The following CD101 variants were observed in gnomAD, a reference collection of about 807,000 sequenced individuals.
CD101 encodes CD101 molecule.
A neutral mutation model predicts 98.2 loss-of-function variants in CD101; 76 were observed. That is an observed-to-expected ratio of 0.77 (90% CI 0.64 to 0.94). The LOEUF (loss-of-function observed/expected upper bound fraction) is 0.94. Among genes scored for constraint, CD101 ranks in the 40% least tolerant of loss-of-function variants. The pLI, the probability that CD101 is intolerant of heterozygous loss-of-function variation, is 0.00. For missense variants in CD101, 1,145 were observed against 1,218.8 expected, an observed-to-expected ratio of 0.94 and a Z score of 0.90; for synonymous variants, 471 against 472.7, an observed-to-expected ratio of 1.00 and a Z score of 0.05.
At position 117,018,643 on chromosome 1, in the gene CD101, A is replaced by T; in HGVS notation, c.2017+83A>T. The T allele has an allele frequency of 7.8e-7, 1 of 1,285,652 alleles. No homozygotes were observed. The highest frequency in any genetic ancestry group is 2.5e-5 in the Admixed American group (1 of 40,246). The allele number at this position is 1,285,652 out of a possible 1,614,324, so 79.6% of individuals were successfully genotyped here. A position where few individuals can be genotyped will look rare whatever the true frequency, so the allele number is the denominator to read the frequency against. On this transcript the variant is annotated intron_variant, in intron 6 of 9. Transcript: ENST00000682167. The surrounding 1 kb of genome is among the most constrained non-coding windows in gnomAD (Gnocchi z 4.3). The stretch of plus-strand genomic sequence containing the variant: ...ATTTTGGGTAAGTTATAACAATAAA[A>T]CATAAAATACTTTCTCCCATATTTG...
At chr1:117,028,377 C>A (rs181060674) in intron 8 of CD101, among the ~76,000 whole-genome samples, 41 of 152,214 alleles carry the variant, frequency 2.7e-4, no homozygotes, top group Non-Finnish European at 1.0e-4. Flanking sequence ...GGGTCATTTA[C>A]CAAGCAAGGT....
At chr1:117,007,775 G>C (rs1229429303) in intron 1 of CD101, among the ~76,000 whole-genome samples, 1 of 152,196 alleles carries the variant, frequency 6.6e-6, no homozygotes, top group East Asian at 1.9e-4. Flanking sequence ...CAAGGATTCA[G>C]AAGTGTTTTT....
Position 117,010,079 on chromosome 1 carries a change from C to G in CD101, c.273C>G (p.Ser91Arg). The change falls in exon 2 of 10, where the codon AGC becomes AGG. Residue 91 changes from serine to arginine, a missense_variant. Coordinates refer to ENST00000682167, the MANE Select transcript of CD101 (RefSeq NM_001256106.3). The surrounding 1 kb of genome is among the most constrained non-coding windows in gnomAD (Gnocchi z 5.2). The part of the protein sequence containing the change: ...SYAVYTQRVR[S>R]GDVYVERVQG... ...CAGTATATACGCAGCGGGTGCGAAG[C>G]GGAGACGTCTACGTGGAGAGGGTCC... The G allele has an allele frequency of 6.2e-7, 1 of 1,614,200 alleles. No individual in the cohort carries two copies. Among genetic ancestry groups the G allele is most frequent in the Non-Finnish European group, 8.5e-7 (1 of 1,180,034 alleles).
Position 117,017,386 on chromosome 1 carries a change from T to C in CD101, c.1525T>C (p.Tyr509His). ...TFTAITDSGTYECRVSEKSRN... is the reference protein window; with the variant it reads ...TFTAITDSGTHECRVSEKSRN... ...CACTGCCATCACAGACAGTGGCACA[T>C]ATGAGTGCAGAGTATCTGAGAAGTC... The change falls in exon 5 of 10, where the codon TAT becomes CAT. Residue 509 changes from tyrosine (Y) to histidine (H), a missense_variant. Physicochemically the swap from Tyr to His is moderately conservative, Grantham distance 83. Transcript: ENST00000682167. 1 of 1,614,156 alleles carries C rather than the reference T, an allele frequency of 6.2e-7. No individual in the cohort carries two copies. Among genetic ancestry groups the C allele is most frequent in the Non-Finnish European group, 8.5e-7 (1 of 1,179,998 alleles).
chr1:117,020,163 C>T (rs1653489185), intron 6 of CD101, among the ~76,000 whole-genome samples: 1 of 152,144 alleles, frequency 6.6e-6, no homozygotes. Flanking sequence ...TCCCCTCACT[C>T]CTGTATTTGG....
chr1:117,029,230 AAAGAAAGAAAGAAAGAAAG>A (rs1459576215), intron 8 of CD101, among the ~76,000 whole-genome samples: 22 of 53,844 alleles, frequency 4.1e-4, no homozygotes, highest in Admixed American at 2.2e-3. Context: ...AGAAAGAAAG[AAAGAAAGAAAGAAAGAAAG>A]AAAGAAAGAA....
chr1:117,026,513 A>C (rs1323590152), intron 8 of CD101: 2 of 152,214 alleles, frequency 1.3e-5, no homozygotes, highest in Admixed American at 6.5e-5. Flanking sequence ...CCAGGCCAAA[A>C]TGTTTTTTCT....
intron 8 of CD101, among the ~76,000 whole-genome samples, chr1:117,029,167 GA>G (rs1275183751): frequency 1.4e-4 from 14 of 98,200 alleles, no homozygotes; most frequent in Middle Eastern, 4.2e-3. Context: ...AAGAAAGAAA[GA>G]AAGAAAGAAA....
intron 7 of CD101, among the ~76,000 whole-genome samples, chr1:117,024,139 A>G (rs1653755213): frequency 6.6e-6 from 1 of 152,236 alleles, no homozygotes; most frequent in African/African-American, 2.4e-5. Context: ...TAACTAAGAA[A>G]GAGTCCAAGA....
Position 117,013,534 on chromosome 1 carries a change from A to G in CD101, c.970A>G (p.Thr324Ala), listed in dbSNP as rs556126639. 1.4e-5 allele frequency: 23 copies of G among 1,614,170 alleles called. 1 individual carries two copies. The South Asian group carries it at 1.8e-4, about 12-fold the overall frequency. ...QLQGIWFFNG[T>A]EIAHIDAGGV... ...TCAAGGCATTTGGTTCTTCAATGGG[A>G]CTGAAATTGCTCACATTGATGCTGG... The change falls in exon 4 of 10, where the codon ACT becomes GCT. Residue 324 changes from threonine (T) to alanine (A), a missense_variant. Coordinates refer to ENST00000682167, the MANE Select transcript of CD101 (RefSeq NM_001256106.3).
rs1652930683 is a variant in CD101, at chr1:117,012,150, T to G, written c.841+184T>G. ...AAGAGGGAGCACATTCAGTTCTGGC[T>G]CTGCCCACGGATTCTTTATGGGATA... On this transcript the variant is annotated intron_variant, in intron 3 of 9. Coordinates refer to ENST00000682167, the MANE Select transcript of CD101 (RefSeq NM_001256106.3). The surrounding 1 kb of genome is among the most constrained non-coding windows in gnomAD (Gnocchi z 4.0). Among the ~76,000 whole-genome samples, 1 of 152,232 alleles carries G rather than the reference T, an allele frequency of 6.6e-6. No homozygotes were observed. The highest frequency in any genetic ancestry group is 1.5e-5 in the Non-Finnish European group (1 of 68,044).
rs373248298 is a variant in CD101, at chr1:117,018,277, G to A, written c.1734G>A (p.Thr578=). The A allele has an allele frequency of 4.8e-5, 78 of 1,614,042 alleles. No individual in the cohort carries two copies. In the African/African-American group the frequency reaches 7.5e-4, roughly 15 times the overall value. The change falls in exon 6 of 10, where the codon ACG becomes ACA. Residue 578 remains threonine (T), a synonymous_variant. Coordinates refer to ENST00000682167, the MANE Select transcript of CD101 (RefSeq NM_001256106.3). The surrounding 1 kb of genome is among the most constrained non-coding windows in gnomAD (Gnocchi z 4.3). ...YSDLKVPLTV[T]WQFQPASSHI... is the part of the protein sequence containing the mutation. ...ACCTCAAGGTGCCACTCACTGTGAC[G>A]TGGCAGTTCCAGCCAGCTAGCTCTC...
At chr1:117,035,253 T>G (rs1189313778) in intron 9 of CD101, among the ~76,000 whole-genome samples, 1 of 152,222 alleles carries the variant, frequency 6.6e-6, no homozygotes, top group East Asian at 1.9e-4. Context: ...TTATTATCTA[T>G]GTGACCAACC....
Position 117,017,122 on chromosome 1 carries a change from C to G in CD101, c.1261C>G (p.Gln421Glu), listed in dbSNP as rs1232132354. ...TGTGGTCATGTCTACCAAGAACAAG[C>G]AGCAAGTTGTGTGGGAAGGAGAGAC... Reference protein sequence around the residue: ...RSVVMSTKNKQQVVWEGETLA... With the variant: ...RSVVMSTKNKEQVVWEGETLA... Residue 421 changes from glutamine to glutamate, a missense_variant, in exon 5 of 10, where the codon CAG becomes GAG. Physicochemically the swap from Gln to Glu is conservative, Grantham distance 29. Coordinates refer to ENST00000682167, the MANE Select transcript of CD101 (RefSeq NM_001256106.3). 6.2e-7 allele frequency: 1 copy of G among 1,614,070 alleles called. No homozygotes were observed. The highest frequency in any genetic ancestry group is 8.5e-7 in the Non-Finnish European group (1 of 1,179,958).
In CD101 at chr1:117,021,517, A is replaced by T; in HGVS notation, c.2018-56A>T. 1.4e-6 allele frequency: 2 copies of T among 1,450,050 alleles called. No homozygotes were observed. The highest frequency in any genetic ancestry group is 1.8e-6 in the Non-Finnish European group (2 of 1,086,552). The allele number at this position is 1,450,050 out of a possible 1,614,324, so 89.8% of individuals were successfully genotyped here. Reference sequence around the variant, plus strand: ...GTCATACTTGACCTCTAATGTCTCTACTACCTTAACTTTCTATTTCATAGC... The same window carrying T: ...GTCATACTTGACCTCTAATGTCTCTTCTACCTTAACTTTCTATTTCATAGC... On this transcript the variant is annotated intron_variant, in intron 6 of 9. Transcript: ENST00000682167. This position sits in a 1 kb window ranked among gnomAD's most constrained non-coding sequence, Gnocchi z 4.7.
At position 117,012,560 on chromosome 1, in the gene CD101, T is replaced by C. The variant is rs1308591874; in HGVS notation, c.841+594T>C. Among the ~76,000 whole-genome samples the C allele has an allele frequency of 6.6e-6, 1 of 152,176 alleles. No individual in the cohort carries two copies. The highest frequency in any genetic ancestry group is 2.4e-5 in the African/African-American group (1 of 41,428). ...ACTTGGAATGCAGTGACTTTGCTTT[T>C]TTATTATTTTTTTAATTTTTAAATT... On this transcript the variant is annotated intron_variant, in intron 3 of 9. Transcript: ENST00000682167. This position sits in a 1 kb window ranked among gnomAD's most constrained non-coding sequence, Gnocchi z 4.0.
rs550470492 is a variant in CD101 at position 117,014,617 on chromosome 1, T to C, written c.1228+825T>C. On this transcript the variant is annotated intron_variant, in intron 4 of 9. Coordinates refer to ENST00000682167, the MANE Select transcript of CD101 (RefSeq NM_001256106.3). ...GAAAAACAGACATATCTGCAACTAA[T>C]ATAAGGATTCACTAGGCTGGGTTTA... is the stretch of plus-strand genomic sequence containing the variant. 2.0e-5 allele frequency among the ~76,000 whole-genome samples: 3 copies of C among 152,302 alleles called. No individual in the cohort carries two copies. The East Asian group carries it at 5.8e-4, about 29-fold the overall frequency.
Position 117,021,817 on chromosome 1 carries a change from G to A in CD101, c.2262G>A (p.Glu754=). 6.2e-7 allele frequency: 1 copy of A among 1,614,088 alleles called. No homozygotes were observed. Among genetic ancestry groups the A allele is most frequent in the Non-Finnish European group, 8.5e-7 (1 of 1,180,036 alleles). ...AGAGAAAACAAAAATTTCATACTGA[G>A]AAGGTTTCCCAAGACTTATTTCAGC... The part of the protein sequence containing the change: ...TPQRKQKFHT[E]KVSQDLFQLH... The change falls in exon 7 of 10, where the codon GAG becomes GAA. Residue 754 remains glutamate, a synonymous_variant. Coordinates refer to ENST00000682167, the MANE Select transcript of CD101 (RefSeq NM_001256106.3). This position sits in a 1 kb window ranked among gnomAD's most constrained non-coding sequence, Gnocchi z 4.7.
At position 117,010,080 on chromosome 1, in the gene CD101, G is replaced by A. The variant is rs767779318; in HGVS notation, c.274G>A (p.Gly92Arg). ...AGTATATACGCAGCGGGTGCGAAGCGGAGACGTCTACGTGGAGAGGGTCCA... is the reference window on the plus strand; with the variant it reads ...AGTATATACGCAGCGGGTGCGAAGCAGAGACGTCTACGTGGAGAGGGTCCA... ...YAVYTQRVRS[G>R]DVYVERVQGN... Residue 92 changes from glycine (G) to arginine (R), a missense_variant, in exon 2 of 10, where the codon GGA becomes AGA. Transcript: ENST00000682167. This position sits in a 1 kb window ranked among gnomAD's most constrained non-coding sequence, Gnocchi z 5.2. The A allele has an allele frequency of 1.2e-5, 20 of 1,614,048 alleles. No individual in the cohort carries two copies. The highest frequency in any genetic ancestry group is 5.0e-5 in the Admixed American group (3 of 60,000).
Sources: gnomAD v4.1 joint callset for allele counts (sites outside exome capture counted in the v4.1 genomes callset) on GRCh38, gnomAD v4.1.1 for gene constraint, Gnocchi (gnomAD v3.1) non-coding constraint, MANE v1.5 for transcripts, NCBI Gene and HGNC (gene_info 2026-07-23, HGNC 2026-07-21) for gene names.